Variants in NRIP1 observed in about 807,000 individuals in gnomAD.
The protein encoded by NRIP1 is nuclear receptor-interacting protein 1.
NRIP1 carries 28 observed loss-of-function variants against 75.0 expected under a neutral mutation model. That is an observed-to-expected ratio of 0.37 (90% CI 0.28 to 0.51). NRIP1 has a LOEUF of 0.51. NRIP1 is among the 20% of genes least tolerant of loss of function. NRIP1 has a pLI of 0.92. For synonymous variants in NRIP1, 526 were observed against 487.6 expected (o/e 1.08, Z -1.04); for missense variants, 1,435 against 1,343.7 (o/e 1.07, Z -1.06).
At chr21:14,977,413 T>C (rs953364451) in intron 3 of NRIP1, among the ~76,000 whole-genome samples, 1 of 152,144 alleles carries the variant, frequency 6.6e-6, no homozygotes, top group South Asian at 2.1e-4. Context: ...AAACATTTTA[T>C]CCGAAGGGAT....
upstream of NRIP1, among the ~76,000 whole-genome samples, chr21:15,065,345 G>C (rs950428380): frequency 1.3e-5 from 2 of 151,550 alleles, no homozygotes; most frequent in Admixed American, 1.3e-4. Flanking sequence ...GCCGTCCCCC[G>C]GGCTCCCAGC....
At chr21:15,004,617 C>T (rs748710592) in intron 3 of NRIP1, among the ~76,000 whole-genome samples, 1 of 152,188 alleles carries the variant, frequency 6.6e-6, no homozygotes, top group Admixed American at 6.5e-5. Context: ...ATATGGCTAC[C>T]GAGTGTTCAT....
chr21:15,006,414 G>A (rs1035305343), intron 3 of NRIP1, among the ~76,000 whole-genome samples: 3 of 152,100 alleles, frequency 2.0e-5, no homozygotes, highest in Non-Finnish European at 4.4e-5. Context: ...ACAACAAAAG[G>A]AAAAAGGTGA....
At chr21:14,978,184 G>A in intron 3 of NRIP1, among the ~76,000 whole-genome samples, 1 of 152,182 alleles carries the variant, frequency 6.6e-6, no homozygotes, top group East Asian at 1.9e-4. Context: ...AGTAACTCAA[G>A]CATTCAACGC....
chr21:14,984,646 C>T (rs1163049783), intron 3 of NRIP1, among the ~76,000 whole-genome samples: 1 of 152,144 alleles, frequency 6.6e-6, no homozygotes, highest in Non-Finnish European at 1.5e-5. Context: ...AAGAAGTTCT[C>T]CTGTGGGTAA....
rs763586653 is a variant in NRIP1 at position 14,964,928 on chromosome 21, T to C, written c.3265A>G (p.Ile1089Val). ...VTSRETQDKDIWREASSAESV... is the reference protein window; with the variant it reads ...VTSRETQDKDVWREASSAESV... ...TCAGCAGATGAAGCCTCCCTCCAAA[T>C]GTCCTTGTCTTGTGTTTCTCGACTG... The change falls in exon 4 of 4, where the codon ATT (isoleucine) becomes GTT (valine). Residue 1089 changes from isoleucine (I) to valine (V), a missense_variant. Transcript: ENST00000318948. 2 of 1,613,852 alleles carry C rather than the reference T, an allele frequency of 1.2e-6. No individual in the cohort carries two copies. The highest frequency in any genetic ancestry group is 1.7e-6 in the Non-Finnish European group (2 of 1,179,828).
rs780899150 is a variant in NRIP1 at position 15,019,153 on chromosome 21, T to C, written c.-457-4687A>G. Among the ~76,000 whole-genome samples, 145 of 148,202 alleles carry C rather than the reference T, an allele frequency of 9.8e-4. 2 individuals are homozygous for C. Among genetic ancestry groups the C allele is most frequent in the African/African-American group, 1.9e-3 (76 of 40,924 alleles). On this transcript the variant is annotated intron_variant, in intron 2 of 3. Transcript: ENST00000318948. ...TATATTATTATATTTATAATATATATAATTACTATATTAATTGTTTCAGTG... is the reference window on the plus strand; with the variant it reads ...TATATTATTATATTTATAATATATACAATTACTATATTAATTGTTTCAGTG...
intron 1 of NRIP1, among the ~76,000 whole-genome samples, chr21:15,057,133 CTT>C (rs1449750534): frequency 1.3e-5 from 2 of 151,730 alleles, no homozygotes; most frequent in African/African-American, 4.9e-5. Context: ...ACAGGATAGT[CTT>C]TAACAAAATT....
At position 14,963,084 on chromosome 21, in the gene NRIP1, G is replaced by C. The variant is rs745427462; in HGVS notation, c.*1632C>G. ...ATTTCTTCTAAGACAGTATCAACAT[G>C]TACTTTTCATCACTACTTTAAAGTA... On this transcript the variant is annotated 3_prime_UTR_variant, in exon 4 of 4. Coordinates refer to ENST00000318948, the MANE Select transcript of NRIP1 (RefSeq NM_003489.4). 33 of 152,260 alleles carry C rather than the reference G, an allele frequency of 2.2e-4. No individual in the cohort carries two copies. The highest frequency in any genetic ancestry group is 6.2e-4 in the South Asian group (3 of 4,822). The allele number at this position is 152,260 out of a possible 1,614,324, so 9.4% of individuals were successfully genotyped here. A position where few individuals can be genotyped will look rare whatever the true frequency, so the allele number is the denominator to read the frequency against.
At chr21:14,997,377 A>G (rs138535362) in intron 3 of NRIP1, among the ~76,000 whole-genome samples, 210 of 152,286 alleles carry the variant, frequency 1.4e-3, no homozygotes, top group Middle Eastern at 3.4e-3. Context: ...TTTTTGATAC[A>G]TATTTTAATA....
At chr21:14,976,664 T>C (rs946096857) in intron 3 of NRIP1, among the ~76,000 whole-genome samples, 1 of 152,170 alleles carries the variant, frequency 6.6e-6, no homozygotes, top group African/African-American at 2.4e-5. Context: ...GTGGAACTTC[T>C]ACACACTTTA....
intron 3 of NRIP1, among the ~76,000 whole-genome samples, chr21:14,994,270 G>A (rs990911026): frequency 1.3e-5 from 2 of 152,076 alleles, no homozygotes; most frequent in African/African-American, 2.4e-5. Flanking sequence ...GATTACAGGG[G>A]TGCACCACCA....
chr21:14,965,624 T>C lies in NRIP1; in HGVS notation c.2569A>G (p.Lys857Glu). 6.2e-7 allele frequency: 1 copy of C among 1,613,462 alleles called. No homozygotes were observed. The highest frequency in any genetic ancestry group is 8.5e-7 in the Non-Finnish European group (1 of 1,179,916). ...LESKNLCMVP[K>E]KRKLYTEPLE... Reference sequence around the variant, plus strand: ...GGCTCAGTATAAAGCTTCCTTTTCTTAGGGACCATGCAAAGATTCTTTGAT... The same window carrying C: ...GGCTCAGTATAAAGCTTCCTTTTCTCAGGGACCATGCAAAGATTCTTTGAT... The change falls in exon 4 of 4, where the codon AAG (lysine) becomes GAG (glutamate). Residue 857 changes from lysine to glutamate, a missense_variant. By Grantham distance (56) the Lys-to-Glu change is moderately conservative. Transcript: ENST00000318948.
chr21:14,975,144 G>C (rs1157275286), intron 3 of NRIP1, among the ~76,000 whole-genome samples: 1 of 152,052 alleles, frequency 6.6e-6, no homozygotes, highest in Non-Finnish European at 1.5e-5. Flanking sequence ...ATGGATGGAA[G>C]GAAGGAAACA....
intron 3 of NRIP1, among the ~76,000 whole-genome samples, chr21:14,969,369 A>G (rs986722702): frequency 2.6e-5 from 4 of 152,234 alleles, no homozygotes; most frequent in Admixed American, 6.5e-5. Flanking sequence ...GGGCATAAAC[A>G]TATATAAAAA....
chr21:15,021,544 A>C (rs2088374802), intron 2 of NRIP1, among the ~76,000 whole-genome samples: 1 of 152,204 alleles, frequency 6.6e-6, no homozygotes, highest in Non-Finnish European at 1.5e-5. Flanking sequence ...GCAGTGGATG[A>C]ATTGCTGGAT....
chr21:15,055,067 T>C (rs370119748), intron 1 of NRIP1, among the ~76,000 whole-genome samples: 3 of 152,180 alleles, frequency 2.0e-5, no homozygotes, highest in East Asian at 3.8e-4. Flanking sequence ...TGCTCTCTTT[T>C]CTAGGGGTGT....
chr21:15,029,984 C>A (rs1277851600), intron 2 of NRIP1, among the ~76,000 whole-genome samples: 1 of 152,172 alleles, frequency 6.6e-6, no homozygotes, highest in East Asian at 1.9e-4. Context: ...CCTGTAGAAA[C>A]TCACCCTCTT....
chr21:15,017,009 TGAAGGAAG>T (rs202130112), intron 2 of NRIP1, among the ~76,000 whole-genome samples: 3 of 149,606 alleles, frequency 2.0e-5, no homozygotes, highest in Non-Finnish European at 4.5e-5. Context: ...AAGAAAAGAA[TGAAGGAAG>T]GAAGGAAGGA....
Sources: allele counts gnomAD v4.1 joint callset (sites outside exome capture counted in the v4.1 genomes callset), GRCh38; gene constraint gnomAD v4.1.1; transcripts MANE v1.5; gene names NCBI Gene and HGNC (gene_info 2026-07-23, HGNC 2026-07-21).